The following P2RY12 variants were observed in gnomAD, a reference collection of about 807,000 sequenced individuals.
P2RY12 encodes P2Y purinoceptor 12.
A neutral mutation model predicts 4.5 loss-of-function variants in P2RY12; 3 were observed. That is an observed-to-expected ratio of 0.67 (90% CI 0.31 to 1.74). The LOEUF is 1.74. Ranked by LOEUF, P2RY12 falls within the 40% of genes most tolerant of loss-of-function variation. The pLI, the probability that P2RY12 is intolerant of heterozygous loss-of-function variation, is 0.09. For synonymous variants in P2RY12, 148 were observed against 154.1 expected, an observed-to-expected ratio of 0.96 and a Z score of 0.29; for missense variants, 356 against 407.8, an observed-to-expected ratio of 0.87 and a Z score of 1.09.
chr3:151,378,571 A>G (rs886582863), intron 1 of P2RY12, among the ~76,000 whole-genome samples: 3 of 152,038 alleles, frequency 2.0e-5, no homozygotes, highest in African/African-American at 7.2e-5. Context: ...TGTCTGAACT[A>G]GTTGCTCATA....
rs563130542 is a variant in P2RY12 at position 151,351,187 on chromosome 3, C to T, written c.-179-10427G>A. On this transcript the variant is annotated intron_variant, in intron 1 of 2. Transcript: ENST00000302632. Reference sequence around the variant, plus strand: ...GGATAAATTGCTAGAATTTGTCCACCCTAGATCTTTACTAGAGAAAAATAC... The same window carrying T: ...GGATAAATTGCTAGAATTTGTCCACTCTAGATCTTTACTAGAGAAAAATAC... Among the ~76,000 whole-genome samples the T allele has an allele frequency of 2.0e-5, 3 of 152,190 alleles. No individual in the cohort carries two copies. In the South Asian group the frequency reaches 6.2e-4, roughly 32 times the overall value.
intron 1 of P2RY12, chr3:151,364,891 C>T: frequency 1.1e-6 from 1 of 917,620 alleles, no homozygotes; most frequent in Admixed American, 1.9e-5. Flanking sequence ...ATTACAGTTC[C>T]TGCCATTTAA....
intron 1 of P2RY12, among the ~76,000 whole-genome samples, chr3:151,362,071 T>C (rs935614443): frequency 6.6e-6 from 1 of 151,940 alleles, no homozygotes; most frequent in Non-Finnish European, 1.5e-5. Flanking sequence ...GTATCCAGTT[T>C]GTAAATTCTG....
intron 1 of P2RY12, chr3:151,377,954 A>T: frequency 6.8e-7 from 1 of 1,472,502 alleles, no homozygotes; most frequent in Non-Finnish European, 9.1e-7. Context: ...TTCTGTTATA[A>T]CTGTGAGAGC....
rs765458528 is a variant in P2RY12, at chr3:151,338,016, A to T, written c.830T>A (p.Phe277Tyr). 2 of 1,614,122 alleles carry T rather than the reference A, an allele frequency of 1.2e-6. No individual in the cohort carries two copies. The highest frequency in any genetic ancestry group is 2.2e-5 in the South Asian group (2 of 91,074). The change falls in exon 3 of 3, where the codon TTC becomes TAC. Residue 277 changes from phenylalanine to tyrosine, a missense_variant. Physicochemically the swap from Phe to Tyr is conservative, Grantham distance 22. Transcript: ENST00000302632. ...CCACAGAGTGCTCTCTTTCACATAG[A>T]ACAGAGTATTTTCAGCAGTGCAGTC... ...VFDCTAENTL[F>Y]YVKESTLWLT...
intron 1 of P2RY12, among the ~76,000 whole-genome samples, chr3:151,346,588 G>A (rs9876268): frequency 0.11 from 16,777 of 152,184 alleles, 1,221 homozygotes; most frequent in Middle Eastern, 0.17. Context: ...ACTGGACGTT[G>A]TCAGTGACAC....
chr3:151,376,892 G>A (rs1428926051), intron 1 of P2RY12: 4 of 1,613,330 alleles, frequency 2.5e-6, no homozygotes, highest in Non-Finnish European at 3.4e-6. Context: ...TATATTGAAA[G>A]CTTATCTCTG....
chr3:151,366,297 T>C (rs1755258919), intron 1 of P2RY12, among the ~76,000 whole-genome samples: 1 of 152,236 alleles, frequency 6.6e-6, no homozygotes, highest in Non-Finnish European at 1.5e-5. Flanking sequence ...AGCTGTTTTT[T>C]CTTTTTACCA....
intron 1 of P2RY12, among the ~76,000 whole-genome samples, chr3:151,341,760 G>A (rs1013638727): frequency 4.7e-5 from 7 of 148,606 alleles, no homozygotes; most frequent in Non-Finnish European, 7.4e-5. Flanking sequence ...CCAGAGTGTA[G>A]TGTTTCCCTT....
At chr3:151,372,481 C>T (rs1756314190) in intron 1 of P2RY12, 5 of 940,174 alleles carry the variant, frequency 5.3e-6, no homozygotes, top group South Asian at 2.8e-5. Context: ...TATTTTAAAT[C>T]CCTGAATGCT....
At chr3:151,367,846 A>T (rs1327337720) in intron 1 of P2RY12, 1 of 1,485,792 alleles carries the variant, frequency 6.7e-7, no homozygotes, top group Admixed American at 2.0e-5. Flanking sequence ...AACACAGGGA[A>T]AGGAGTATTT....
intron 1 of P2RY12, chr3:151,365,950 A>C (rs764741170): frequency 6.2e-7 from 1 of 1,613,248 alleles, no homozygotes; most frequent in Non-Finnish European, 8.5e-7. Flanking sequence ...TTGTTCTTCA[A>C]ATCACGTGTG....
intron 1 of P2RY12, among the ~76,000 whole-genome samples, chr3:151,358,956 A>G (rs6793898): frequency 0.42 from 63,458 of 152,020 alleles, 13,766 homozygotes; most frequent in African/African-American, 0.54. Flanking sequence ...TTATTTTAGA[A>G]CAGATTTATT....
intron 1 of P2RY12, chr3:151,376,746 G>T: frequency 7.1e-7 from 1 of 1,410,522 alleles, no homozygotes; most frequent in Non-Finnish European, 1.0e-6. Context: ...AGAAATTACT[G>T]TATTTTAACA....
intron 1 of P2RY12, among the ~76,000 whole-genome samples, chr3:151,354,213 C>G (rs1409554616): frequency 6.7e-6 from 1 of 148,982 alleles, no homozygotes; most frequent in African/African-American, 2.5e-5. Context: ...CCAACTTTTC[C>G]TTTTTGTTTT....
At chr3:151,378,984 A>C (rs1378415438) in intron 1 of P2RY12, among the ~76,000 whole-genome samples, 1 of 152,220 alleles carries the variant, frequency 6.6e-6, no homozygotes, top group African/African-American at 2.4e-5. Context: ...TGAAACAGAC[A>C]CTTAAAGGTT....
chr3:151,343,838 T>G (rs1330645441), intron 1 of P2RY12, among the ~76,000 whole-genome samples: 2 of 152,208 alleles, frequency 1.3e-5, no homozygotes, highest in Admixed American at 1.3e-4. Context: ...CTCTGAAACC[T>G]GTAGTCTTTT....
intron 1 of P2RY12, among the ~76,000 whole-genome samples, chr3:151,342,556 G>A (rs148239903): frequency 4.3e-4 from 65 of 152,302 alleles, no homozygotes; most frequent in African/African-American, 1.4e-3. Flanking sequence ...ATTTTAGTGA[G>A]CCTTCCATTG....
intron 1 of P2RY12, among the ~76,000 whole-genome samples, chr3:151,362,357 C>T (rs924141438): frequency 1.2e-4 from 18 of 152,010 alleles, no homozygotes; most frequent in African/African-American, 4.4e-4. Flanking sequence ...TCTTCCACCC[C>T]TTTCCCTCTG....
Sources: gnomAD v4.1 joint callset for allele counts (sites outside exome capture counted in the v4.1 genomes callset) on GRCh38, gnomAD v4.1.1 for gene constraint, MANE v1.5 for transcripts, NCBI Gene and HGNC (gene_info 2026-07-23, HGNC 2026-07-21) for gene names.